The following ADCY7 variants were observed in gnomAD, a reference collection of about 807,000 sequenced individuals.
ADCY7 encodes adenylate cyclase type 7.
ADCY7 carries 72 observed loss-of-function variants against 120.6 expected under a neutral mutation model. The ratio of observed to expected loss-of-function variants is 0.60; its 90% CI spans 0.49 to 0.73. ADCY7 has a LOEUF of 0.73. Ranked by LOEUF, ADCY7 falls within the 30% of genes least tolerant of loss-of-function variation. The pLI is 0.00. For synonymous variants in ADCY7, 661 were observed against 628.0 expected, an observed-to-expected ratio of 1.05 and a Z score of -0.78; for missense variants, 1,227 against 1,486.0, an observed-to-expected ratio of 0.83 and a Z score of 2.87.
intron 1 of ADCY7, among the ~76,000 whole-genome samples, chr16:50,257,205 C>T (rs4595800): frequency 0.94 from 143,226 of 151,960 alleles, 68,073 homozygotes; most frequent in East Asian, 1. Context: ...TAGCACCCCA[C>T]CTGTACAAAA....
At chr16:50,287,239 T>A (rs2150940180) in intron 1 of ADCY7, among the ~76,000 whole-genome samples, 1 of 151,964 alleles carries the variant, frequency 6.6e-6, no homozygotes, top group East Asian at 1.9e-4. Flanking sequence ...GGTCTCGAAC[T>A]CCTGACCTCA....
chr16:50,314,132 A>T, intron 23 of ADCY7, 70 bp downstream of exon 23: 1 of 1,509,144 alleles, frequency 6.6e-7, no homozygotes, highest in Non-Finnish European at 9.2e-7. Context: ...CCTTACTTAA[A>T]GGGTGTGCCC....
At chr16:50,281,395 G>GGCAGGTGCGGCAGGTGCA (rs1555518814) in intron 1 of ADCY7, among the ~76,000 whole-genome samples, 7 of 152,244 alleles carry the variant, frequency 4.6e-5, no homozygotes, top group Admixed American at 2.0e-4. Flanking sequence ...AGGCAGGTGC[G>GGCAGGTGCGGCAGGTGCA]GCAGGTGCAG....
chr16:50,287,630 T>C (rs2034660801), intron 1 of ADCY7, among the ~76,000 whole-genome samples: 2 of 149,278 alleles, frequency 1.3e-5, no homozygotes, highest in African/African-American at 4.9e-5. Flanking sequence ...CAGTGAGCTA[T>C]GATCGTGCCA....
At chr16:50,295,968 G>C (rs893695412) in intron 7 of ADCY7, among the ~76,000 whole-genome samples, 1 of 152,186 alleles carries the variant, frequency 6.6e-6, no homozygotes, top group Non-Finnish European at 1.5e-5. Flanking sequence ...ATTTAAGGTG[G>C]TGGCTCCCTA....
At chr16:50,293,610 A>T (rs1003820971) in intron 6 of ADCY7, 108 bp downstream of exon 6, 24 of 1,377,526 alleles carry the variant, frequency 1.7e-5, no homozygotes, top group Non-Finnish European at 2.2e-5. Flanking sequence ...CCCTGCCCAT[A>T]TAGGGATTGG....
At chr16:50,263,347 G>C (rs900857178), upstream of ADCY7, among the ~76,000 whole-genome samples, 1 of 152,080 alleles carries the variant, frequency 6.6e-6, no homozygotes, top group South Asian at 2.1e-4. Context: ...CTGCGGCTGC[G>C]GGGAGCAGCT....
chr16:50,285,947 A>G (rs909859907), intron 1 of ADCY7, among the ~76,000 whole-genome samples: 3 of 152,116 alleles, frequency 2.0e-5, no homozygotes, highest in Non-Finnish European at 4.4e-5. Context: ...GTGCTGGGGA[A>G]AGAAGGAACC....
chr16:50,296,453 G>A (rs781721706), intron 7 of ADCY7, among the ~76,000 whole-genome samples: 3 of 150,338 alleles, frequency 2.0e-5, no homozygotes, highest in Admixed American at 6.7e-5. Flanking sequence ...TCCGCCTCCC[G>A]GGTTCACACC....
At chr16:50,288,618 C>T (rs1383942994) in intron 2 of ADCY7, among the ~76,000 whole-genome samples, 1 of 152,148 alleles carries the variant, frequency 6.6e-6, no homozygotes, top group African/African-American at 2.4e-5. Flanking sequence ...GCTAGGATGA[C>T]AGGTGCATGC....
chr16:50,281,494 T>A (rs1332460714), intron 1 of ADCY7, among the ~76,000 whole-genome samples: 1 of 152,206 alleles, frequency 6.6e-6, no homozygotes, highest in East Asian at 1.9e-4. Context: ...CATGCCACTC[T>A]GCGTGCTTCC....
intron 1 of ADCY7, among the ~76,000 whole-genome samples, chr16:50,275,536 G>A (rs2033833439): frequency 1.3e-5 from 2 of 152,212 alleles, no homozygotes; most frequent in Non-Finnish European, 2.9e-5. Flanking sequence ...ATGTTCAGCT[G>A]TGTTTAATTC....
At chr16:50,294,574 G>A (rs1304181375) in intron 6 of ADCY7, 66 bp from the exon 7 acceptor site, 7 of 1,077,136 alleles carry the variant, frequency 6.5e-6, no homozygotes, top group Middle Eastern at 2.5e-4. Context: ...ACAGTCCTGC[G>A]TGCTCCTGCT....
chr16:50,303,782 G>A (rs1051532251), intron 10 of ADCY7, among the ~76,000 whole-genome samples: 3 of 151,082 alleles, frequency 2.0e-5, no homozygotes, highest in African/African-American at 4.8e-5. Flanking sequence ...TCCCTGGATC[G>A]CTGCCCTGGG....
chr16:50,298,618 C>T (rs912961703), intron 7 of ADCY7, among the ~76,000 whole-genome samples: 1 of 152,236 alleles, frequency 6.6e-6, no homozygotes, highest in Non-Finnish European at 1.5e-5. Context: ...TCAGTAGGCA[C>T]TCAAACATTA....
At chr16:50,283,670 C>G (rs777261017) in intron 1 of ADCY7, among the ~76,000 whole-genome samples, 2 of 152,234 alleles carry the variant, frequency 1.3e-5, no homozygotes, top group African/African-American at 4.8e-5. Flanking sequence ...TCACCCTGCT[C>G]TACCACTGGG....
intron 10 of ADCY7, 96 bp from the exon 11 acceptor site, chr16:50,304,264 C>A: frequency 2.5e-6 from 3 of 1,190,980 alleles, no homozygotes; most frequent in Non-Finnish European, 3.3e-6. Context: ...CTCAGGGCGG[C>A]GTCACACTTC....
intron 1 of ADCY7, among the ~76,000 whole-genome samples, chr16:50,250,456 CAA>C (rs34443362): frequency 1.1e-3 from 76 of 69,122 alleles, no homozygotes; most frequent in African/African-American, 2.8e-3. Context: ...GACTCTATCT[CAA>C]AAAAAAAAAA....
chr16:50,254,327 C>T (rs1450416566), intron 1 of ADCY7, among the ~76,000 whole-genome samples: 1 of 152,192 alleles, frequency 6.6e-6, no homozygotes, highest in African/African-American at 2.4e-5. Flanking sequence ...CCCCTCCAGG[C>T]ACCCTGTCAC....
Sources: allele counts gnomAD v4.1 joint callset (sites outside exome capture counted in the v4.1 genomes callset), GRCh38; gene constraint gnomAD v4.1.1; transcripts MANE v1.5; gene names NCBI Gene and HGNC (gene_info 2026-07-23, HGNC 2026-07-21).